NAA30: variants seen among roughly 807,000 people sequenced by gnomAD.
The protein encoded by NAA30 is N-alpha-acetyltransferase 30, NatC catalytic subunit.
A neutral mutation model predicts 31.4 loss-of-function variants in NAA30; 5 were observed. That is an observed-to-expected ratio of 0.16 (90% CI 0.08 to 0.33). NAA30 has a LOEUF of 0.33. Ranked by LOEUF, NAA30 falls within the 10% of genes least tolerant of loss-of-function variation. NAA30 has a pLI of 1.00. For missense variants in NAA30, 428 were observed against 490.8 expected (o/e 0.87, Z 1.21); for synonymous variants, 222 against 207.1 (o/e 1.07, Z -0.62).
chr14:57,399,787 A>G (rs2066466563), intron 3 of NAA30, 41 bp from the exon 4 acceptor site: 2 of 1,011,272 alleles, frequency 2.0e-6, no homozygotes, highest in African/African-American at 1.6e-5. Context: ...ATCTTTAAGA[A>G]ATACATTTTT....
At chr14:57,408,416 A>G (rs933046979) in intron 4 of NAA30, among the ~76,000 whole-genome samples, 11 of 152,230 alleles carry the variant, frequency 7.2e-5, no homozygotes, top group Admixed American at 4.6e-4. Flanking sequence ...ATTCATTGTC[A>G]GGGCCACTGG....
rs2066527441 is a variant in NAA30, at chr14:57,412,351, T to C, written c.*2835T>C. 1 of 152,220 alleles carries C rather than the reference T, an allele frequency of 6.6e-6. No homozygotes were observed. Among genetic ancestry groups the C allele is most frequent in the African/African-American group, 2.4e-5 (1 of 41,460 alleles). 9.4% of individuals were successfully genotyped at this position (152,220 alleles called of 1,614,324 possible). The stretch of plus-strand genomic sequence containing the variant: ...TTTAACTTTACCTTGCCCTGTGTTA[T>C]GGTACTGGCTGACATGTCTAAGACT... On this transcript the variant is annotated 3_prime_UTR_variant, in exon 5 of 5. Coordinates refer to ENST00000556492, the MANE Select transcript of NAA30 (RefSeq NM_001011713.3).
chr14:57,406,145 G>A (rs1438091592), intron 4 of NAA30, among the ~76,000 whole-genome samples: 1 of 152,152 alleles, frequency 6.6e-6, no homozygotes, highest in African/African-American at 2.4e-5. Context: ...AAATATGAGT[G>A]TGCCAGGAGA....
intron 4 of NAA30, 92 bp downstream of exon 4, chr14:57,399,975 A>T: frequency 1.5e-6 from 1 of 662,204 alleles, no homozygotes; most frequent in South Asian, 2.0e-5. Context: ...TGCAGATTTC[A>T]TTGCAGTGTT....
chr14:57,404,181 G>A (rs2066489230), intron 4 of NAA30, among the ~76,000 whole-genome samples: 2 of 152,100 alleles, frequency 1.3e-5, no homozygotes, highest in Admixed American at 1.3e-4. Context: ...AATTAGCCAG[G>A]TGTGGTGGTG....
At chr14:57,400,055 A>G (rs568714333) in intron 4 of NAA30, among the ~76,000 whole-genome samples, 172 bp downstream of exon 4, 1 of 152,360 alleles carries the variant, frequency 6.6e-6, no homozygotes, top group Non-Finnish European at 1.5e-5. Context: ...GACCTAGAAC[A>G]AATTTTAAAA....
In NAA30 at chr14:57,398,370, T is replaced by C. The variant is rs149780130; in HGVS notation, c.896-1458T>C. ...AGGGCAGAAACCAGTGGCTTTTGGG[T>C]TGCATCCTGGCCTTCAGACATACTT... On this transcript the variant is annotated intron_variant, in intron 3 of 4. Coordinates refer to ENST00000556492, the MANE Select transcript of NAA30 (RefSeq NM_001011713.3). Among the ~76,000 whole-genome samples, 160 of 152,296 alleles carry C rather than the reference T, an allele frequency of 1.1e-3. 2 individuals are homozygous for C. The East Asian group carries it at 0.019, about 18-fold the overall frequency.
chr14:57,391,472 GCACC>G lies in NAA30; in HGVS notation c.516_519del (p.Thr173SerfsTer18). 11 of 1,612,030 alleles carry G rather than the reference GCACC, an allele frequency of 6.8e-6. No individual in the cohort carries two copies. The highest frequency in any genetic ancestry group is 9.3e-6 in the Non-Finnish European group (11 of 1,179,336). ...GCGGCCCGCAATGGACTGGCCGAGG[GCACC>G]GAGCAGGAGGAGGAGGAGGAAGACG... On this transcript the variant is annotated frameshift_variant, in exon 2 of 5. Transcript: ENST00000556492. LOFTEE classifies it high-confidence loss of function. This position sits in a 1 kb window ranked among gnomAD's most constrained non-coding sequence, Gnocchi z 4.1.
At chr14:57,396,409 C>CA (rs1566548852) in intron 2 of NAA30, among the ~76,000 whole-genome samples, 12 of 58,966 alleles carry the variant, frequency 2.0e-4, no homozygotes, top group East Asian at 9.1e-4. Context: ...CTTCCAGAAC[C>CA]TTAGGTCTTT....
chr14:57,413,169 C>G lies in NAA30; in HGVS notation c.*3653C>G, dbSNP rs909394631. 6.8e-6 allele frequency: 1 copy of G among 146,226 alleles called. No homozygotes were observed. Among genetic ancestry groups the G allele is most frequent in the Non-Finnish European group, 1.5e-5 (1 of 66,246 alleles). 9.1% of individuals were successfully genotyped at this position (146,226 alleles called of 1,614,324 possible). On this transcript the variant is annotated 3_prime_UTR_variant, in exon 5 of 5. Coordinates refer to ENST00000556492, the MANE Select transcript of NAA30 (RefSeq NM_001011713.3). ...CACCAAAGTAAAATAGAGCAATATC[C>G]AAAGAGCTTTTTGCCCCTGTCTTGT...
At chr14:57,392,809 T>A (rs2066435665) in intron 2 of NAA30, among the ~76,000 whole-genome samples, 1 of 152,248 alleles carries the variant, frequency 6.6e-6, no homozygotes, top group African/African-American at 2.4e-5. Flanking sequence ...TTGACAATAC[T>A]TATCTTTTTG....
At position 57,390,611 on chromosome 14, in the gene NAA30, C is replaced by G. The variant is rs963865046; in HGVS notation, c.-96C>G. 22 of 316,224 alleles carry G rather than the reference C, an allele frequency of 7.0e-5. No homozygotes were observed. The East Asian group carries it at 1.1e-3, about 16-fold the overall frequency. The allele number at this position is 316,224 out of a possible 1,614,324, so 19.6% of individuals were successfully genotyped here. Reference sequence around the variant, plus strand: ...ACGGCGACGGCGGCTGAGTGAGAACCTTGGCGGCTGTGGAGGCTGCCGCGG... The same window carrying G: ...ACGGCGACGGCGGCTGAGTGAGAACGTTGGCGGCTGTGGAGGCTGCCGCGG... On this transcript the variant is annotated 5_prime_UTR_variant, in exon 1 of 5. Transcript: ENST00000556492.
chr14:57,407,167 A>G (rs2066501519), intron 4 of NAA30, among the ~76,000 whole-genome samples: 1 of 152,126 alleles, frequency 6.6e-6, no homozygotes, highest in Non-Finnish European at 1.5e-5. Context: ...GGGATTATAG[A>G]CATGAGCCAC....
chr14:57,392,393 A>C (rs1018262956), intron 2 of NAA30, among the ~76,000 whole-genome samples: 2 of 151,890 alleles, frequency 1.3e-5, no homozygotes, highest in African/African-American at 4.8e-5. Flanking sequence ...ACTTGTGTGA[A>C]ATTGTTACCG....
At position 57,410,604 on chromosome 14, in the gene NAA30, T is replaced by C. The variant is rs1466574166; in HGVS notation, c.*1088T>C. 3 of 152,204 alleles carry C rather than the reference T, an allele frequency of 2.0e-5. No individual in the cohort carries two copies. Among genetic ancestry groups the C allele is most frequent in the East Asian group, 3.8e-4 (2 of 5,196 alleles). 9.4% of individuals were successfully genotyped at this position (152,204 alleles called of 1,614,324 possible). A position where few individuals can be genotyped will look rare whatever the true frequency, so the allele number is the denominator to read the frequency against. ...TCTTGGAAATAAATTTCAAGGTGCA[T>C]TGTATCCATTTTAAGCTGCTTTATT... On this transcript the variant is annotated 3_prime_UTR_variant, in exon 5 of 5. Transcript: ENST00000556492.
intron 4 of NAA30, among the ~76,000 whole-genome samples, chr14:57,400,988 C>T (rs2066474147): frequency 1.3e-5 from 2 of 151,980 alleles, no homozygotes; most frequent in African/African-American, 4.8e-5. Flanking sequence ...CCTTCCACCT[C>T]AGCCTCTCAA....
rs747524840 is a variant in NAA30, at chr14:57,391,224, C to T, written c.267C>T (p.Ser89=). The change falls in exon 2 of 5, where the codon AGC becomes AGT. Residue 89 remains serine (S), a synonymous_variant. Coordinates refer to ENST00000556492, the MANE Select transcript of NAA30 (RefSeq NM_001011713.3). The surrounding 1 kb of genome is among the most constrained non-coding windows in gnomAD (Gnocchi z 4.1). ...QEQQQLNGLI[S]PELRHLRAAA... is the part of the protein sequence containing the mutation. The stretch of plus-strand genomic sequence containing the variant: ...AGCAGCAGCTCAACGGATTGATTAG[C>T]CCCGAACTGCGGCACCTCCGGGCGG... 8 of 1,612,050 alleles carry T rather than the reference C, an allele frequency of 5.0e-6. No homozygotes were observed. In the East Asian group the frequency reaches 1.6e-4, roughly 31 times the overall value.
At position 57,391,222 on chromosome 14, in the gene NAA30, A is replaced by G; in HGVS notation, c.265A>G (p.Ser89Gly). 2 of 1,612,206 alleles carry G rather than the reference A, an allele frequency of 1.2e-6. No homozygotes were observed. Among genetic ancestry groups the G allele is most frequent in the Non-Finnish European group, 1.7e-6 (2 of 1,179,862 alleles). Reference protein sequence around the residue: ...QEQQQLNGLISPELRHLRAAA... With the variant: ...QEQQQLNGLIGPELRHLRAAA... ...GCAGCAGCAGCTCAACGGATTGATT[A>G]GCCCCGAACTGCGGCACCTCCGGGC... The change falls in exon 2 of 5, where the codon AGC becomes GGC. Residue 89 changes from serine (S) to glycine (G), a missense_variant. Ser to Gly is a moderately conservative substitution (Grantham distance 56, BLOSUM62 0). This residue lies in a region of NAA30 where 349 missense variants were observed against 310.4 expected (regional missense o/e 1.12). Transcript: ENST00000556492. The surrounding 1 kb of genome is among the most constrained non-coding windows in gnomAD (Gnocchi z 4.1).
intron 4 of NAA30, among the ~76,000 whole-genome samples, chr14:57,407,690 A>G (rs1319882631): frequency 6.6e-6 from 1 of 152,178 alleles, no homozygotes; most frequent in Non-Finnish European, 1.5e-5. Flanking sequence ...ATGTCTCTTG[A>G]TATTATTTTT....
Sources: allele counts gnomAD v4.1 joint callset (sites outside exome capture counted in the v4.1 genomes callset), GRCh38; gene constraint gnomAD v4.1.1; regional missense constraint gnomAD v4.1.1; non-coding constraint Gnocchi (gnomAD v3.1); transcripts MANE v1.5; gene names NCBI Gene and HGNC (gene_info 2026-07-23, HGNC 2026-07-21).